Variants in CADPS2 observed in about 807,000 individuals in gnomAD.
The protein encoded by CADPS2 is calcium dependent secretion activator 2, also known as calcium-dependent secretion activator 2.
A neutral mutation model predicts 172.5 loss-of-function variants in CADPS2; 93 were observed. The observed-to-expected ratio is 0.54, with a 90% CI of 0.46 to 0.64. The LOEUF (loss-of-function observed/expected upper bound fraction) is 0.64, where lower values mean the gene tolerates loss of function less well. Among genes scored for constraint, CADPS2 ranks in the 30% least tolerant of loss-of-function variants. The probability of loss-of-function intolerance (pLI) is 0.00; values close to 1 mark genes in which losing one functional copy is unlikely to be tolerated. For missense variants in CADPS2, 1,420 were observed against 1,565.9 expected, an observed-to-expected ratio of 0.91 and a Z score of 1.57; for synonymous variants, 546 against 555.2, an observed-to-expected ratio of 0.98 and a Z score of 0.23.
At chr7:122,807,667 C>T (rs1282782379) in intron 1 of CADPS2, among the ~76,000 whole-genome samples, 2 of 152,174 alleles carry the variant, frequency 1.3e-5, no homozygotes, top group African/African-American at 4.8e-5. Flanking sequence ...AAAGTGTTGG[C>T]AGGTCCGGTT....
At chr7:122,663,101 T>C in intron 3 of CADPS2, 136 bp downstream of exon 3, 2 of 649,494 alleles carry the variant, frequency 3.1e-6, no homozygotes, top group South Asian at 2.0e-5. Context: ...CTATGTGATC[T>C]ATTCAAATTC....
At chr7:122,847,299 C>G (rs550212120) in intron 1 of CADPS2, among the ~76,000 whole-genome samples, 6 of 152,242 alleles carry the variant, frequency 3.9e-5, no homozygotes, top group African/African-American at 1.4e-4. Flanking sequence ...GTTGGCCAGG[C>G]TGGTCTAGAA....
At chr7:122,818,382 C>A (rs978386898) in intron 1 of CADPS2, among the ~76,000 whole-genome samples, 20 of 152,238 alleles carry the variant, frequency 1.3e-4, no homozygotes, top group East Asian at 3.9e-4. Context: ...CTAAATAATT[C>A]TTGTCGTAAA....
intron 2 of CADPS2, among the ~76,000 whole-genome samples, chr7:122,666,631 C>T (rs1356839185): frequency 6.6e-6 from 1 of 152,084 alleles, no homozygotes; most frequent in Non-Finnish European, 1.5e-5. Flanking sequence ...TATGAGTCAC[C>T]ACGCCCAGCC....
intron 9 of CADPS2, among the ~76,000 whole-genome samples, chr7:122,508,388 G>A (rs902650109): frequency 2.7e-5 from 4 of 148,838 alleles, no homozygotes; most frequent in Admixed American, 6.7e-5. Context: ...TTCAAAGAAG[G>A]AGGATTGTTA....
intron 8 of CADPS2, among the ~76,000 whole-genome samples, chr7:122,527,902 G>A (rs1167424858): frequency 6.6e-6 from 1 of 152,200 alleles, no homozygotes; most frequent in South Asian, 2.1e-4. Context: ...AATAATGAGA[G>A]AGACAGACAA....
chr7:122,878,405 C>A (rs1821873029), intron 1 of CADPS2, among the ~76,000 whole-genome samples: 1 of 151,956 alleles, frequency 6.6e-6, no homozygotes, highest in African/African-American at 2.4e-5. Context: ...GTAATCCCAG[C>A]ACTTTGGGAG....
intron 1 of CADPS2, among the ~76,000 whole-genome samples, chr7:122,773,136 CATATT>C (rs2093755557): frequency 6.6e-6 from 1 of 151,830 alleles, no homozygotes; most frequent in South Asian, 2.1e-4. Context: ...GAAAAGAAAG[CATATT>C]AAAGTAAGTT....
At chr7:122,615,376 G>A in intron 5 of CADPS2, 77 bp from the exon 6 acceptor site, 3 of 920,514 alleles carry the variant, frequency 3.3e-6, no homozygotes, top group Non-Finnish European at 1.5e-6. Context: ...AGCATGAACT[G>A]TAATAAGGAA....
intron 7 of CADPS2, among the ~76,000 whole-genome samples, chr7:122,560,013 A>G (rs2132168760): frequency 6.6e-6 from 1 of 152,214 alleles, no homozygotes; most frequent in East Asian, 1.9e-4. Context: ...GTTGGGTCTG[A>G]AAGGCTATTG....
chr7:122,495,182 T>C (rs537943696), intron 9 of CADPS2, among the ~76,000 whole-genome samples: 1 of 152,284 alleles, frequency 6.6e-6, no homozygotes, highest in Non-Finnish European at 1.5e-5. Flanking sequence ...CTAACATGTA[T>C]ATATTCATCA....
intron 3 of CADPS2, among the ~76,000 whole-genome samples, chr7:122,645,681 A>C (rs4357235): frequency 0.25 from 29,157 of 116,762 alleles, 4,082 homozygotes; most frequent in Middle Eastern, 0.43. Flanking sequence ...ATATATATAT[A>C]TCTTGGGATT....
At chr7:122,715,864 T>C (rs1189280406) in intron 2 of CADPS2, among the ~76,000 whole-genome samples, 2 of 152,094 alleles carry the variant, frequency 1.3e-5, no homozygotes, top group Admixed American at 6.6e-5. Context: ...ATGATTTTGC[T>C]CCTCTAGATT....
rs115489931 is a variant in CADPS2 at position 122,674,795 on chromosome 7, C to T, written c.454-11226G>A. 5.5e-3 allele frequency among the ~76,000 whole-genome samples: 838 copies of T among 152,290 alleles called. 13 individuals are homozygous for T. The highest frequency in any genetic ancestry group is 0.019 in the African/African-American group (771 of 41,564). On this transcript the variant is annotated intron_variant, in intron 2 of 29. Transcript: ENST00000449022. The stretch of plus-strand genomic sequence containing the variant: ...GGCTGCCAGCATGTGTTCAGCAAAA[C>T]GCTGAGAAAAGTACAAGAGTCTCAC...
At chr7:122,364,394 G>A (rs926014137) in intron 25 of CADPS2, among the ~76,000 whole-genome samples, 2 of 129,402 alleles carry the variant, frequency 1.5e-5, no homozygotes, top group Non-Finnish European at 3.2e-5. Flanking sequence ...GGATGACAAA[G>A]GAAGACCCTG....
intron 3 of CADPS2, among the ~76,000 whole-genome samples, chr7:122,630,148 G>A (rs1193380483): frequency 6.6e-6 from 1 of 151,998 alleles, no homozygotes; most frequent in Non-Finnish European, 1.5e-5. Context: ...CTCTCATCAC[G>A]AAGAAGCCTG....
In CADPS2 at chr7:122,508,734, G is replaced by A. The variant is rs148453448; in HGVS notation, c.1542+4515C>T. 7.8e-3 allele frequency among the ~76,000 whole-genome samples: 1,193 copies of A among 152,110 alleles called. 9 individuals carry two copies. The highest frequency in any genetic ancestry group is 0.011 in the Non-Finnish European group (774 of 67,980). ...AAAAATATATGAAATGATTCCATTA[G>A]GAATGAATGGATGTGTGTTTCACAT... On this transcript the variant is annotated intron_variant, in intron 9 of 29. Coordinates refer to ENST00000449022, the MANE Select transcript of CADPS2 (RefSeq NM_017954.11).
intron 1 of CADPS2, among the ~76,000 whole-genome samples, chr7:122,871,845 T>A (rs1012925916): frequency 2.6e-5 from 4 of 152,106 alleles, no homozygotes; most frequent in African/African-American, 4.8e-5. Context: ...TCTGGCTACT[T>A]CTTCTCCATT....
At chr7:122,541,479 T>G (rs1235341003) in intron 8 of CADPS2, among the ~76,000 whole-genome samples, 2 of 148,910 alleles carry the variant, frequency 1.3e-5, no homozygotes, top group Non-Finnish European at 3.0e-5. Flanking sequence ...GTGCTGGGAT[T>G]ACAGGCATGT....
Sources: gnomAD v4.1 joint callset for allele counts (sites outside exome capture counted in the v4.1 genomes callset) on GRCh38, gnomAD v4.1.1 for gene constraint, MANE v1.5 for transcripts, NCBI Gene and HGNC (gene_info 2026-07-23, HGNC 2026-07-21) for gene names.